Variants in TXLNB observed in about 807,000 individuals in gnomAD.
The protein encoded by TXLNB is beta-taxilin.
A neutral mutation model predicts 57.4 loss-of-function variants in TXLNB; 37 were observed. That is an observed-to-expected ratio of 0.64 (90% CI 0.50 to 0.85). The LOEUF is 0.85. Among genes scored for constraint, TXLNB ranks in the 40% least tolerant of loss-of-function variants. The pLI, the probability that TXLNB is intolerant of heterozygous loss-of-function variation, is 0.00. For missense variants in TXLNB, 848 were observed against 825.6 expected (o/e 1.03, Z -0.33); for synonymous variants, 302 against 309.6 (o/e 0.98, Z 0.26).
chr6:139,162,857 G>A, the TXLNB span, among the ~76,000 whole-genome samples: 1 of 152,150 alleles, frequency 6.6e-6, no homozygotes, highest in Non-Finnish European at 1.5e-5. Context: ...TTAAGCTGTC[G>A]TGAGGTTTTG....
At chr6:139,227,165 C>A in the TXLNB span, among the ~76,000 whole-genome samples, 3 of 151,512 alleles carry the variant, frequency 2.0e-5, no homozygotes, top group East Asian at 1.9e-4. Context: ...ATGGCAAAAC[C>A]CTGTCTCTAC....
the TXLNB span, among the ~76,000 whole-genome samples, chr6:139,227,541 CAT>C: frequency 3.3e-5 from 5 of 152,178 alleles, no homozygotes; most frequent in African/African-American, 1.2e-4. Context: ...GAAATAGACA[CAT>C]GTCATATAAC....
chr6:139,202,034 T>C, the TXLNB span, among the ~76,000 whole-genome samples: 1 of 152,254 alleles, frequency 6.6e-6, no homozygotes, highest in Non-Finnish European at 1.5e-5. Flanking sequence ...TTTAGTTTTA[T>C]TATTTCTTTT....
the TXLNB span, chr6:139,170,510 C>T: frequency 6.6e-6 from 1 of 152,136 alleles, no homozygotes; most frequent in Admixed American, 6.6e-5. Context: ...TGGACTGGAT[C>T]TTGGTAAGCA....
chr6:139,245,138 T>C (rs1368408759), intron 8 of TXLNB, among the ~76,000 whole-genome samples: 1 of 152,226 alleles, frequency 6.6e-6, no homozygotes, highest in Non-Finnish European at 1.5e-5. Context: ...GTCTCTGTAT[T>C]TTCTGGGTCT....
the TXLNB span, among the ~76,000 whole-genome samples, chr6:139,201,098 T>G: frequency 6.6e-6 from 1 of 152,238 alleles, no homozygotes; most frequent in Non-Finnish European, 1.5e-5. Flanking sequence ...CCTTGCCTTT[T>G]ACTTTACATT....
the TXLNB span, among the ~76,000 whole-genome samples, chr6:139,169,166 C>A: frequency 6.6e-6 from 1 of 152,044 alleles, no homozygotes; most frequent in South Asian, 2.1e-4. Context: ...ATTTCCGCTA[C>A]CCTATTTTCA....
chr6:139,178,655 A>G, the TXLNB span: 1 of 151,222 alleles, frequency 6.6e-6, no homozygotes, highest in Non-Finnish European at 1.5e-5. Context: ...GCTCACTGCA[A>G]CCTCTGCCTC....
At chr6:139,226,666 C>T in the TXLNB span, among the ~76,000 whole-genome samples, 1 of 152,140 alleles carries the variant, frequency 6.6e-6, no homozygotes, top group Admixed American at 6.6e-5. Context: ...ACGAAAGAGG[C>T]TATACGCCTG....
chr6:139,186,794 A>G, the TXLNB span, among the ~76,000 whole-genome samples: 2 of 152,256 alleles, frequency 1.3e-5, no homozygotes, highest in African/African-American at 4.8e-5. Flanking sequence ...AAAGGAACAG[A>G]TTCTTCATAC....
chr6:139,303,904 G>A, the TXLNB span, among the ~76,000 whole-genome samples: 1 of 147,046 alleles, frequency 6.8e-6, no homozygotes, highest in Non-Finnish European at 1.5e-5. Flanking sequence ...ATTCTTAAGA[G>A]AAACATCTCA....
intron 2 of TXLNB, among the ~76,000 whole-genome samples, chr6:139,278,930 G>A (rs1164710702): frequency 6.6e-6 from 1 of 152,184 alleles, no homozygotes; most frequent in Admixed American, 6.5e-5. Context: ...CTTGAACCCA[G>A]GAGGCAGAGA....
the TXLNB span, chr6:139,180,074 T>C: frequency 6.6e-6 from 1 of 152,196 alleles, no homozygotes; most frequent in Non-Finnish European, 1.5e-5. Context: ...GTTTATACTT[T>C]AAAAGATAGA....
At chr6:139,204,695 T>C in the TXLNB span, among the ~76,000 whole-genome samples, 189 of 152,264 alleles carry the variant, frequency 1.2e-3, no homozygotes, top group African/African-American at 4.5e-3. Context: ...GCTTTCTCAG[T>C]GCAGAAGCTT....
chr6:139,175,865 T>C, the TXLNB span, among the ~76,000 whole-genome samples: 5 of 152,210 alleles, frequency 3.3e-5, no homozygotes, highest in Admixed American at 2.0e-4. Flanking sequence ...ATTTCTTCCT[T>C]AAAACAATTG....
chr6:139,187,719 G>C, the TXLNB span, among the ~76,000 whole-genome samples: 1 of 152,108 alleles, frequency 6.6e-6, no homozygotes, highest in African/African-American at 2.4e-5. Flanking sequence ...GCATTCATCT[G>C]GCCGAGGTCA....
chr6:139,263,744 G>A (rs773698160), intron 4 of TXLNB, among the ~76,000 whole-genome samples: 1 of 152,096 alleles, frequency 6.6e-6, no homozygotes, highest in African/African-American at 2.4e-5. Context: ...AGACATTTAC[G>A]TGGCTGACAA....
the TXLNB span, among the ~76,000 whole-genome samples, chr6:139,230,256 A>C: frequency 6.6e-6 from 1 of 152,246 alleles, no homozygotes; most frequent in Non-Finnish European, 1.5e-5. Flanking sequence ...GATGAATTGT[A>C]TCACAGCAAA....
At chr6:139,171,836 GT>G in the TXLNB span, among the ~76,000 whole-genome samples, 1,513 of 141,544 alleles carry the variant, frequency 0.011, 26 homozygotes, top group African/African-American at 0.037. Flanking sequence ...TTGTTGTTGT[GT>G]TTTTTTTTTT....
Sources: gnomAD v4.1 joint callset for allele counts (sites outside exome capture counted in the v4.1 genomes callset) on GRCh38, gnomAD v4.1.1 for gene constraint, MANE v1.5 for transcripts, NCBI Gene and HGNC (gene_info 2026-07-23, HGNC 2026-07-21) for gene names.